The following AHNAK variants were observed in gnomAD, a reference collection of about 807,000 sequenced individuals.
AHNAK encodes the protein AHNAK nucleoprotein.
In AHNAK, 23 loss-of-function variants were observed where a neutral mutation model predicts 37.8. That is an observed-to-expected ratio of 0.61 (90% CI 0.44 to 0.86). AHNAK has a LOEUF of 0.86. Among genes scored for constraint, AHNAK ranks in the 40% least tolerant of loss-of-function variants. AHNAK has a pLI of 0.00. For missense variants in AHNAK, 7,411 were observed against 7,319.4 expected, an observed-to-expected ratio of 1.01 and a Z score of -0.46; for synonymous variants, 2,481 against 2,636.3, an observed-to-expected ratio of 0.94 and a Z score of 1.80.
At chr11:62,546,339 G>A (rs1036424751) in intron 1 of AHNAK, among the ~76,000 whole-genome samples, 24 of 152,240 alleles carry the variant, frequency 1.6e-4, no homozygotes, top group Non-Finnish European at 3.4e-4. Flanking sequence ...GTGGGACAGA[G>A]GCCACCAGGC....
Position 62,524,823 on chromosome 11 carries a change from T to C in AHNAK, c.9594A>G (p.Pro3198=). 6.2e-7 allele frequency: 1 copy of C among 1,614,244 alleles called. No individual in the cohort carries two copies. Among genetic ancestry groups the C allele is most frequent in the South Asian group, 1.1e-5 (1 of 91,088 alleles). ...VDVPDVNIEG[P]DAKLKGPKFK... The stretch of plus-strand genomic sequence containing the variant: ...ATTTAGGGCCCTTCAGTTTCGCATC[T>C]GGACCTTCAATATTCACATCTGGAA... Residue 3198 remains proline (P), a synonymous_variant, in exon 5 of 5, where the codon CCA becomes CCG. Coordinates refer to ENST00000378024, the MANE Select transcript of AHNAK (RefSeq NM_001620.3).
intron 5 of AHNAK, among the ~76,000 whole-genome samples, chr11:62,459,105 A>C (rs939827117): frequency 6.6e-6 from 1 of 152,124 alleles, no homozygotes; most frequent in African/African-American, 2.4e-5. Context: ...CAAACTCCCC[A>C]CACAAGGGCA....
chr11:62,473,417 T>C (rs1265637562), intron 5 of AHNAK, among the ~76,000 whole-genome samples: 23 of 98,642 alleles, frequency 2.3e-4, no homozygotes, highest in Middle Eastern at 0.01. Flanking sequence ...AAAAAAAGGC[T>C]GGGTGCGGTG....
chr11:62,436,964 A>G (rs1208253368), intron 5 of AHNAK, among the ~76,000 whole-genome samples: 1 of 151,920 alleles, frequency 6.6e-6, no homozygotes, highest in Non-Finnish European at 1.5e-5. Flanking sequence ...AGTATAACAT[A>G]CATTCATCAG....
In AHNAK at chr11:62,509,285, C is replaced by G. The variant is rs145050997; in HGVS notation, c.343-17454G>C. Among the ~76,000 whole-genome samples, 924 of 151,980 alleles carry G rather than the reference C, an allele frequency of 6.1e-3. 10 individuals carry two copies. The highest frequency in any genetic ancestry group is 0.021 in the African/African-American group (876 of 41,482). On this transcript the variant is annotated intron_variant, in intron 4 of 5. Transcript: ENST00000257247. ...AACTATTACAGATTAAAGAAATAAA[C>G]AGCCGGGCACGGTGGCTCACGCCTG...
rs776154626 is a variant in AHNAK at position 62,529,099 on chromosome 11, T to G, written c.5318A>C (p.Lys1773Thr). 1 of 1,614,146 alleles carries G rather than the reference T, an allele frequency of 6.2e-7. No homozygotes were observed. The highest frequency in any genetic ancestry group is 1.7e-5 in the Admixed American group (1 of 60,024). ...GACCTTGGGAGCTTTTATATTCAAC[T>G]TGGGCATCTTAAATTTGGAGCCTTT... Reference protein sequence around the residue: ...KLKGSKFKMPKLNIKAPKVSM... With the variant: ...KLKGSKFKMPTLNIKAPKVSM... The change falls in exon 5 of 5, where the codon AAG becomes ACG. Residue 1773 changes from lysine (K) to threonine (T), a missense_variant. Physicochemically the swap from Lys to Thr is moderately conservative, Grantham distance 78 (BLOSUM62 -1). Transcript: ENST00000378024.
chr11:62,518,776 C>G lies in AHNAK; in HGVS notation c.15641G>C (p.Ser5214Thr). 1 of 1,614,242 alleles carries G rather than the reference C, an allele frequency of 6.2e-7. No individual in the cohort carries two copies. Residue 5214 changes from serine (S) to threonine (T), a missense_variant, in exon 5 of 5, where the codon AGC becomes ACC. By Grantham distance (58) the Ser-to-Thr change is moderately conservative (BLOSUM62 1). Coordinates refer to ENST00000378024, the MANE Select transcript of AHNAK (RefSeq NM_001620.3). Reference protein sequence around the residue: ...KGPKIKGDVPSVGLEGPDVDL... With the variant: ...KGPKIKGDVPTVGLEGPDVDL... Reference sequence around the variant, plus strand: ...TACATCTGGTCCTTCCAGTCCCACGCTGGGGACATCACCCTTTATCTTTGG... The same window carrying G: ...TACATCTGGTCCTTCCAGTCCCACGGTGGGGACATCACCCTTTATCTTTGG...
chr11:62,536,152 G>C, intron 2 of AHNAK, 54 bp from the exon 3 acceptor site: 2 of 1,498,664 alleles, frequency 1.3e-6, no homozygotes, highest in Non-Finnish European at 1.8e-6. Context: ...GAGGACATGA[G>C]GGCATGGGAA....
At chr11:62,442,330 T>C (rs1938323672) in intron 5 of AHNAK, among the ~76,000 whole-genome samples, 1 of 152,146 alleles carries the variant, frequency 6.6e-6, no homozygotes, top group Admixed American at 6.6e-5. Context: ...GGCAGATTGC[T>C]TGAGCCCAGG....
chr11:62,502,065 G>A (rs929006377), intron 4 of AHNAK, among the ~76,000 whole-genome samples: 3 of 152,090 alleles, frequency 2.0e-5, no homozygotes, highest in South Asian at 2.1e-4. Flanking sequence ...TTCCACACCC[G>A]AGCACTCCTT....
chr11:62,514,129 G>A (rs894578502), downstream of AHNAK, among the ~76,000 whole-genome samples: 1 of 152,194 alleles, frequency 6.6e-6, no homozygotes, highest in Middle Eastern at 3.4e-3. Flanking sequence ...GGACAGCCTG[G>A]GTAGTTCTCC....
At chr11:62,445,846 G>C (rs974941045) in intron 5 of AHNAK, among the ~76,000 whole-genome samples, 1 of 152,084 alleles carries the variant, frequency 6.6e-6, no homozygotes, top group African/African-American at 2.4e-5. Context: ...GTGAAATCCT[G>C]TCTCTACTAA....
rs1021060931 is a variant in AHNAK, at chr11:62,530,187, G to A, written c.4230C>T (p.Asp1410=). The A allele has an allele frequency of 1.2e-6, 2 of 1,613,052 alleles. No homozygotes were observed. The highest frequency in any genetic ancestry group is 2.2e-5 in the East Asian group (1 of 44,818). ...CCATTTTGGGTCCTGAGACATCAAC[G>A]TCAGCTTTGGGCAGCTTCACATCCA... ...PEVDVKLPKA[D]VDVSGPKMDA... The change falls in exon 5 of 5, where the codon GAC becomes GAT. Residue 1410 remains aspartate (D), a synonymous_variant. Transcript: ENST00000378024.
chr11:62,443,271 C>T (rs1471704538), intron 5 of AHNAK, among the ~76,000 whole-genome samples: 4 of 66,842 alleles, frequency 6.0e-5, no homozygotes, highest in Non-Finnish European at 8.9e-5. Context: ...CCACTGCACC[C>T]GGCCTTTTTT....
rs376035439 is a variant in AHNAK at position 62,464,071 on chromosome 11, T to C, written c.442+27661A>G. Reference sequence around the variant, plus strand: ...GCTTGAGCTACCGTGCCCGATGAGTTTTTTTTTTAATAGGATCTTCCTGTG... The same window carrying C: ...GCTTGAGCTACCGTGCCCGATGAGTCTTTTTTTTAATAGGATCTTCCTGTG... On this transcript the variant is annotated intron_variant, in intron 5 of 5. Coordinates refer to the AHNAK transcript ENST00000257247. 1.3e-4 allele frequency among the ~76,000 whole-genome samples: 19 copies of C among 146,704 alleles called. 1 individual carries two copies. The East Asian group carries it at 2.9e-3, about 22-fold the overall frequency.
chr11:62,478,750 C>CAAAAAAAA (rs11358273), intron 5 of AHNAK, among the ~76,000 whole-genome samples: 1 of 88,462 alleles, frequency 1.1e-5, no homozygotes, highest in African/African-American at 4.1e-5. Flanking sequence ...GACCCTGCCT[C>CAAAAAAAA]AAAAAAAAAA....
intron 5 of AHNAK, among the ~76,000 whole-genome samples, chr11:62,459,214 C>T (rs1353263601): frequency 3.3e-5 from 5 of 152,170 alleles, no homozygotes; most frequent in Admixed American, 6.5e-5. Context: ...TGAATGTGGA[C>T]ATGGGTGATA....
chr11:62,522,815 T>C lies in AHNAK; in HGVS notation c.11602A>G (p.Ile3868Val), dbSNP rs141388288. Residue 3868 changes from isoleucine to valine, a missense_variant, in exon 5 of 5, where the codon ATC (isoleucine) becomes GTC (valine). Transcript: ENST00000378024. ...GPKFKMPEMN[I>V]KAPKISMPDI... ...GGCATGGAGATCTTGGGGGCTTTGA[T>C]GTTCATCTCAGGCATCTTGAATTTG... The C allele has an allele frequency of 9.2e-4, 1,485 of 1,613,742 alleles. No individual in the cohort carries two copies. Among genetic ancestry groups the C allele is most frequent in the Non-Finnish European group, 1.2e-3 (1,403 of 1,179,938 alleles).
At position 62,523,721 on chromosome 11, in the gene AHNAK, G is replaced by C; in HGVS notation, c.10696C>G (p.Pro3566Ala). The change falls in exon 5 of 5, where the codon CCC becomes GCC. Residue 3566 changes from proline to alanine, a missense_variant. Transcript: ENST00000378024. The stretch of plus-strand genomic sequence containing the variant: ...CCTTTCAGATCCCCTTCAAGTTTGG[G>C]AAGAGAAATATCCACATCACCTTTC... ...KVKGDVDISL[P>A]KLEGDLKGPE... 6.2e-7 allele frequency: 1 copy of C among 1,613,424 alleles called. No homozygotes were observed. Among genetic ancestry groups the C allele is most frequent in the Non-Finnish European group, 8.5e-7 (1 of 1,179,888 alleles).
Sources: gnomAD v4.1 joint callset for allele counts (sites outside exome capture counted in the v4.1 genomes callset) on GRCh38, gnomAD v4.1.1 for gene constraint, MANE v1.5 for transcripts, NCBI Gene and HGNC (gene_info 2026-07-23, HGNC 2026-07-21) for gene names.